The following MAGOH variants were observed in gnomAD, a reference collection of about 807,000 sequenced individuals.
MAGOH encodes mago homolog, exon junction complex subunit.
A neutral mutation model predicts 20.9 loss-of-function variants in MAGOH; 3 were observed. That is an observed-to-expected ratio of 0.14 (90% CI 0.07 to 0.37). The LOEUF is 0.37. Ranked by LOEUF, MAGOH falls within the 10% of genes least tolerant of loss-of-function variation. MAGOH has a pLI of 1.00. For synonymous variants in MAGOH, 51 were observed against 61.0 expected, an observed-to-expected ratio of 0.84 and a Z score of 0.76; for missense variants, 66 against 178.1, an observed-to-expected ratio of 0.37 and a Z score of 3.58.
intron 3 of MAGOH, among the ~76,000 whole-genome samples, 155 bp from the exon 4 acceptor site, chr1:53,229,109 A>G (rs1006155722): frequency 6.6e-6 from 1 of 152,212 alleles, no homozygotes; most frequent in African/African-American, 2.4e-5. Flanking sequence ...GCTGGGCACT[A>G]GAAACAAGAG....
At chr1:53,235,726 G>C in intron 1 of MAGOH, 91 bp from the exon 2 acceptor site, 2 of 925,854 alleles carry the variant, frequency 2.2e-6, no homozygotes, top group Middle Eastern at 2.5e-4. Context: ...TGCCCAAAAT[G>C]TATCTAACTT....
chr1:53,237,673 CAAA>C (rs1231950502), intron 1 of MAGOH, among the ~76,000 whole-genome samples: 3 of 55,322 alleles, frequency 5.4e-5, no homozygotes, highest in East Asian at 6.8e-4. Context: ...AAAGCCGTCT[CAAA>C]AAAAAAAAAA....
chr1:53,232,558 C>T (rs1645591203), intron 3 of MAGOH, among the ~76,000 whole-genome samples: 1 of 152,092 alleles, frequency 6.6e-6, no homozygotes, highest in African/African-American at 2.4e-5. Flanking sequence ...CTTTTGAAGA[C>T]CTCAATAATA....
intron 1 of MAGOH, 107 bp downstream of exon 1, chr1:53,238,254 C>T: frequency 2.0e-6 from 2 of 975,634 alleles, no homozygotes; most frequent in Admixed American, 1.8e-5. Flanking sequence ...GCACAGGTCT[C>T]AGTCCCTCCC....
chr1:53,227,712 T>C (rs888690725), intron 4 of MAGOH, among the ~76,000 whole-genome samples: 1 of 152,068 alleles, frequency 6.6e-6, no homozygotes, highest in African/African-American at 2.4e-5. Flanking sequence ...TAATTTTTTG[T>C]ATTTTTAGTA....
chr1:53,236,056 G>A lies in MAGOH; in HGVS notation c.89-421C>T, dbSNP rs182046720. ...TTTACATATATTATCATGTGACTGT[G>A]CCATACTCTATTTCTGTGATGGAGA... On this transcript the variant is annotated intron_variant, in intron 1 of 4. Transcript: ENST00000371470. Among the ~76,000 whole-genome samples, 5 of 152,336 alleles carry A rather than the reference G, an allele frequency of 3.3e-5. No homozygotes were observed. In the East Asian group the frequency reaches 9.6e-4, roughly 29 times the overall value.
Position 53,229,005 on chromosome 1 carries a change from A to G in MAGOH, c.259-51T>C, listed in dbSNP as rs766459077. On this transcript the variant is annotated intron_variant, in intron 3 of 4. Coordinates refer to ENST00000371470, the MANE Select transcript of MAGOH (RefSeq NM_002370.4). ...TCAAGTAGAATTGGATTATTCATCAAGCACACAGAAGGATTAATCATTTGC... is the reference window on the plus strand; with the variant it reads ...TCAAGTAGAATTGGATTATTCATCAGGCACACAGAAGGATTAATCATTTGC... The G allele has an allele frequency of 2.9e-5, 35 of 1,204,010 alleles. 1 individual carries two copies. Among genetic ancestry groups the G allele is most frequent in the Non-Finnish European group, 4.2e-5 (34 of 808,424 alleles). 74.6% of individuals were successfully genotyped at this position (1,204,010 alleles called of 1,614,324 possible). A position where few individuals can be genotyped will look rare whatever the true frequency, so the allele number is the denominator to read the frequency against.
chr1:53,236,246 CCT>C (rs565114413), intron 1 of MAGOH, among the ~76,000 whole-genome samples: 120 of 152,304 alleles, frequency 7.9e-4, no homozygotes, highest in African/African-American at 2.7e-3. Context: ...ATTCCAACAG[CCT>C]CTGTGCTGTC....
intron 4 of MAGOH, 58 bp from the exon 5 acceptor site, chr1:53,227,202 TA>T (rs1302229527): frequency 1.1e-6 from 1 of 912,600 alleles, no homozygotes; most frequent in African/African-American, 1.7e-5. Flanking sequence ...CAAGTGTCCC[TA>T]AAAAGGAAAA....
intron 1 of MAGOH, among the ~76,000 whole-genome samples, chr1:53,236,601 A>ACAT (rs1645611494): frequency 6.6e-6 from 1 of 152,006 alleles, no homozygotes; most frequent in Admixed American, 6.6e-5. Context: ...CCAATTCCTC[A>ACAT]CATCCCCTCC....
chr1:53,229,725 T>C (rs1354592115), intron 3 of MAGOH, among the ~76,000 whole-genome samples: 3 of 152,196 alleles, frequency 2.0e-5, no homozygotes, highest in Non-Finnish European at 2.9e-5. Context: ...TTAAGACCTG[T>C]CTGGGCAACT....
At chr1:53,229,088 C>T in intron 3 of MAGOH, 134 bp from the exon 4 acceptor site, 2 of 644,404 alleles carry the variant, frequency 3.1e-6, no homozygotes, top group Non-Finnish European at 5.6e-6. Flanking sequence ...TCACTCTGAG[C>T]ACTAAACTGT....
At chr1:53,237,037 G>A (rs1020280810) in intron 1 of MAGOH, among the ~76,000 whole-genome samples, 6 of 140,836 alleles carry the variant, frequency 4.3e-5, no homozygotes, top group African/African-American at 7.9e-5. Flanking sequence ...TGCAACCTCC[G>A]CCCCAGGTTC....
rs753143016 is a variant in MAGOH, at chr1:53,228,856, G to T, written c.341+16C>A. 5.7e-6 allele frequency: 9 copies of T among 1,572,714 alleles called. No homozygotes were observed. Among genetic ancestry groups the T allele is most frequent in the South Asian group, 1.1e-5 (1 of 90,208 alleles). On this transcript the variant is annotated intron_variant, in intron 4 of 4. Transcript: ENST00000371470. ...CAAAACAGACACAACTGGATATAAG[G>T]ATCATGCACACTTACTTGGATTGAT...
intron 1 of MAGOH, among the ~76,000 whole-genome samples, chr1:53,235,931 T>C (rs1645608177): frequency 6.6e-6 from 1 of 152,224 alleles, no homozygotes; most frequent in Non-Finnish European, 1.5e-5. Flanking sequence ...TGCAGGTGAA[T>C]GTCCTGAAAA....
chr1:53,238,108 T>C (rs1216456055), intron 1 of MAGOH, among the ~76,000 whole-genome samples: 1 of 152,206 alleles, frequency 6.6e-6, no homozygotes, highest in African/African-American at 2.4e-5. Context: ...AGAGGGGAAG[T>C]TTGTCTACCT....
chr1:53,228,712 A>G (rs964434134), intron 4 of MAGOH, among the ~76,000 whole-genome samples, 160 bp downstream of exon 4: 1 of 152,176 alleles, frequency 6.6e-6, no homozygotes, highest in African/African-American at 2.4e-5. Flanking sequence ...CAAGTCCTCA[A>G]AAATAATTTG....
At chr1:53,238,200 A>G (rs926095622) in intron 1 of MAGOH, among the ~76,000 whole-genome samples, 161 bp downstream of exon 1, 1 of 152,088 alleles carries the variant, frequency 6.6e-6, no homozygotes, top group Non-Finnish European at 1.5e-5. Context: ...GGATAGAAAG[A>G]CCCCGTGGAG....
At chr1:53,227,279 T>C (rs1413274515) in intron 4 of MAGOH, 135 bp from the exon 5 acceptor site, 1 of 483,224 alleles carries the variant, frequency 2.1e-6, no homozygotes, top group African/African-American at 2.0e-5. Context: ...TATAGGGAAA[T>C]GCTTACATTA....
Sources: gnomAD v4.1 joint callset for allele counts (sites outside exome capture counted in the v4.1 genomes callset) on GRCh38, gnomAD v4.1.1 for gene constraint, MANE v1.5 for transcripts, NCBI Gene and HGNC (gene_info 2026-07-23, HGNC 2026-07-21) for gene names.